NFKB1: variants seen among roughly 807,000 people sequenced by gnomAD.
The protein encoded by NFKB1 is nuclear factor NF-kappa-B p105 subunit.
In NFKB1, 9 loss-of-function variants were observed where a neutral mutation model predicts 105.1. The ratio of observed to expected loss-of-function variants is 0.09; its 90% CI spans 0.05 to 0.15. The LOEUF is 0.15. Among genes scored for constraint, NFKB1 ranks in the 10% least tolerant of loss-of-function variants. The pLI is 1.00. For synonymous variants in NFKB1, 440 were observed against 442.2 expected, an observed-to-expected ratio of 1.00 and a Z score of 0.06; for missense variants, 830 against 1,203.7, an observed-to-expected ratio of 0.69 and a Z score of 4.59.
chr4:102,591,844 C>T (rs1023889009), intron 11 of NFKB1, among the ~76,000 whole-genome samples: 22 of 152,248 alleles, frequency 1.4e-4, no homozygotes, highest in South Asian at 2.1e-4. Flanking sequence ...CTGTAGCTGC[C>T]GTAGATAGTG....
At chr4:102,586,616 C>T (rs563632456) in intron 11 of NFKB1, among the ~76,000 whole-genome samples, 221 of 152,326 alleles carry the variant, frequency 1.5e-3, no homozygotes, top group Non-Finnish European at 2.6e-3. Flanking sequence ...ATATCATCAG[C>T]TTCTTTTATA....
In NFKB1 at chr4:102,613,420, C is replaced by G; in HGVS notation, c.2593-5C>G. 6 of 1,613,038 alleles carry G rather than the reference C, an allele frequency of 3.7e-6. No homozygotes were observed. Among genetic ancestry groups the G allele is most frequent in the Non-Finnish European group, 5.1e-6 (6 of 1,179,410 alleles). On this transcript the variant is annotated splice_polypyrimidine_tract_variant and splice_region_variant and intron_variant, in intron 22 of 23. Coordinates refer to ENST00000226574, the MANE Select transcript of NFKB1 (RefSeq NM_003998.4). ...ACATGCTCCTCCTTCCTTTCTTTCT[C>G]ACAGGTCTCTGGGGGTACAGTCAGA...
intron 1 of NFKB1, among the ~76,000 whole-genome samples, chr4:102,517,620 T>A (rs1422483921): frequency 6.6e-6 from 1 of 152,218 alleles, no homozygotes; most frequent in Non-Finnish European, 1.5e-5. Flanking sequence ...TAGTGTTAAA[T>A]CACCAGTATA....
chr4:102,522,086 G>T (rs1236593311), intron 1 of NFKB1, among the ~76,000 whole-genome samples: 4 of 152,214 alleles, frequency 2.6e-5, no homozygotes, highest in Admixed American at 6.5e-5. Flanking sequence ...AAGGGAAAGT[G>T]AGGGGAAGGG....
At position 102,503,168 on chromosome 4, in the gene NFKB1, TAA is replaced by T. The variant is rs145307508; in HGVS notation, c.-8+1382_-8+1383del. On this transcript the variant is annotated intron_variant, in intron 1 of 23. Coordinates refer to ENST00000226574, the MANE Select transcript of NFKB1 (RefSeq NM_003998.4). ...GAAGCAATGTACTTTTTTGAGTTTA[TAA>T]ACTTGGGAAGACAGGAAATAAAAAG... 5.0e-3 allele frequency among the ~76,000 whole-genome samples: 762 copies of T among 152,324 alleles called. 5 individuals carry two copies. Among genetic ancestry groups the T allele is most frequent in the African/African-American group, 0.018 (728 of 41,568 alleles).
At chr4:102,555,611 G>A (rs970462375) in intron 5 of NFKB1, among the ~76,000 whole-genome samples, 9 of 152,312 alleles carry the variant, frequency 5.9e-5, no homozygotes, top group African/African-American at 2.2e-4. Context: ...AAGGATTCAA[G>A]GGAGAGATGT....
chr4:102,530,011 C>A, intron 3 of NFKB1, 97 bp downstream of exon 3: 2 of 792,896 alleles, frequency 2.5e-6, no homozygotes, highest in South Asian at 1.7e-5. Flanking sequence ...CAGTTGTGTA[C>A]CTAGAAAGGA....
intron 5 of NFKB1, among the ~76,000 whole-genome samples, chr4:102,562,620 A>C (rs1400889879): frequency 6.6e-6 from 1 of 152,234 alleles, no homozygotes; most frequent in Non-Finnish European, 1.5e-5. Context: ...CCTAAAAAAA[A>C]GTCCTATGAA....
At chr4:102,570,611 A>G (rs1424669969) in intron 6 of NFKB1, among the ~76,000 whole-genome samples, 3 of 152,078 alleles carry the variant, frequency 2.0e-5, no homozygotes, top group Admixed American at 1.3e-4. Flanking sequence ...TGGTAGTTCT[A>G]TTTTTAGCTC....
Position 102,613,517 on chromosome 4 carries a change from A to G in NFKB1, c.2685A>G (p.Pro895=). 1 of 1,613,996 alleles carries G rather than the reference A, an allele frequency of 6.2e-7. No individual in the cohort carries two copies. The highest frequency in any genetic ancestry group is 8.5e-7 in the Non-Finnish European group (1 of 1,180,000). Residue 895 remains proline, a synonymous_variant, in exon 23 of 24, where the codon CCA becomes CCG. Coordinates refer to ENST00000226574, the MANE Select transcript of NFKB1 (RefSeq NM_003998.4). The part of the protein sequence containing the change: ...AIEVIQAASS[P]VKTTSQAHSL... ...AAGTGATCCAGGCAGCCTCCAGCCCAGTGAAGACCACCTCTCAGGCCCACT... is the reference window on the plus strand; with the variant it reads ...AAGTGATCCAGGCAGCCTCCAGCCCGGTGAAGACCACCTCTCAGGCCCACT...
At chr4:102,507,827 A>G (rs1739528185) in intron 1 of NFKB1, among the ~76,000 whole-genome samples, 2 of 152,198 alleles carry the variant, frequency 1.3e-5, no homozygotes, top group Non-Finnish European at 2.9e-5. Context: ...ATACTATACC[A>G]TATTTCAGTG....
At chr4:102,507,856 T>G (rs1214778336) in intron 1 of NFKB1, among the ~76,000 whole-genome samples, 1 of 152,222 alleles carries the variant, frequency 6.6e-6, no homozygotes, top group Non-Finnish European at 1.5e-5. Context: ...CACCTATCCC[T>G]CTTTATCCCA....
chr4:102,560,166 G>T (rs1723295935), intron 5 of NFKB1, among the ~76,000 whole-genome samples: 1 of 152,136 alleles, frequency 6.6e-6, no homozygotes, highest in Non-Finnish European at 1.5e-5. Context: ...AGATTTATTT[G>T]TAATTTGCTA....
At chr4:102,584,881 T>C (rs1725591231) in intron 11 of NFKB1, 61 bp downstream of exon 11, 2 of 1,419,996 alleles carry the variant, frequency 1.4e-6, no homozygotes, top group South Asian at 2.8e-5. Context: ...TTGGTTTTTG[T>C]TTTGTTTTGT....
At chr4:102,545,767 A>G (rs1386883545) in intron 5 of NFKB1, among the ~76,000 whole-genome samples, 1 of 152,106 alleles carries the variant, frequency 6.6e-6, no homozygotes, top group South Asian at 2.1e-4. Flanking sequence ...CATCTAGCCA[A>G]TCTTGGATTC....
At chr4:102,539,236 C>CAAAGAAAAAAAAAAAAAAA (rs1741840746) in intron 5 of NFKB1, among the ~76,000 whole-genome samples, 1 of 95,646 alleles carries the variant, frequency 1.0e-5, no homozygotes, top group African/African-American at 3.8e-5. Context: ...GACTCTGTCT[C>CAAAGAAAAAAAAAAAAAAA]AAAAAAAAAA....
intron 5 of NFKB1, among the ~76,000 whole-genome samples, chr4:102,561,354 G>A (rs1198164034): frequency 6.8e-6 from 1 of 147,710 alleles, no homozygotes; most frequent in Non-Finnish European, 1.5e-5. Context: ...TTTCATGTCT[G>A]TGGCATGACT....
At chr4:102,534,693 A>G (rs1741528976) in intron 4 of NFKB1, among the ~76,000 whole-genome samples, 1 of 152,206 alleles carries the variant, frequency 6.6e-6, no homozygotes, top group Admixed American at 6.6e-5. Flanking sequence ...CTTTGGATGG[A>G]TAAACTAATC....
intron 5 of NFKB1, among the ~76,000 whole-genome samples, chr4:102,554,227 A>G (rs1387949276): frequency 6.6e-6 from 1 of 152,210 alleles, no homozygotes; most frequent in Non-Finnish European, 1.5e-5. Context: ...CTGGCCACCT[A>G]CTGCAGCACT....
Sources: allele counts gnomAD v4.1 joint callset (sites outside exome capture counted in the v4.1 genomes callset), GRCh38; gene constraint gnomAD v4.1.1; transcripts MANE v1.5; gene names NCBI Gene and HGNC (gene_info 2026-07-23, HGNC 2026-07-21).